Variants in COL28A1 observed in about 807,000 individuals in gnomAD.
COL28A1 encodes collagen alpha-1(XXVIII) chain.
Under a neutral mutation model 150.2 loss-of-function variants are expected in COL28A1, and 161 were observed. The observed-to-expected ratio is 1.07, with a 90% CI of 0.94 to 1.22. The LOEUF (loss-of-function observed/expected upper bound fraction) is 1.22, where lower values mean the gene tolerates loss of function less well. COL28A1 is among the 50% of genes most tolerant of loss of function. COL28A1 has a pLI of 0.00. For synonymous variants in COL28A1, 552 were observed against 469.7 expected (o/e 1.18, Z -2.26); for missense variants, 1,617 against 1,388.3 (o/e 1.16, Z -2.62).
chr7:7,494,799 A>C (rs1780114665), intron 11 of COL28A1, among the ~76,000 whole-genome samples: 1 of 152,246 alleles, frequency 6.6e-6, no homozygotes, highest in Admixed American at 6.5e-5. Flanking sequence ...CAGAATACAT[A>C]AGACTCTGAG....
intron 1 of COL28A1, among the ~76,000 whole-genome samples, chr7:7,534,988 T>G (rs1282998693): frequency 6.6e-6 from 1 of 152,158 alleles, no homozygotes; most frequent in Non-Finnish European, 1.5e-5. Context: ...GTTTATTAAT[T>G]TGGCATCTTG....
intron 33 of COL28A1, among the ~76,000 whole-genome samples, chr7:7,366,339 C>A (rs182926930): frequency 1.3e-5 from 2 of 152,110 alleles, no homozygotes; most frequent in East Asian, 3.9e-4. Flanking sequence ...ATAATAAAAT[C>A]GAAAAACTAC....
chr7:7,509,177 C>T (rs564461172), intron 9 of COL28A1, among the ~76,000 whole-genome samples: 1 of 151,874 alleles, frequency 6.6e-6, no homozygotes, highest in African/African-American at 2.4e-5. Flanking sequence ...GTTACCCAAA[C>T]TGGAGTAGAG....
At chr7:7,391,195 T>G (rs980922636) in intron 27 of COL28A1, among the ~76,000 whole-genome samples, 1 of 152,210 alleles carries the variant, frequency 6.6e-6, no homozygotes, top group African/African-American at 2.4e-5. Flanking sequence ...CTCCTTGGTT[T>G]CAAAGAACTT....
intron 12 of COL28A1, 92 bp downstream of exon 12, chr7:7,490,486 G>C (rs1017972893): frequency 5.7e-5 from 37 of 646,200 alleles, no homozygotes; most frequent in Non-Finnish European, 9.5e-5. Context: ...GTGTCTATTG[G>C]ATTTAGGCCA....
At chr7:7,374,038 A>AAATATAT in intron 31 of COL28A1, among the ~76,000 whole-genome samples, 9 of 113,624 alleles carry the variant, frequency 7.9e-5, no homozygotes, top group African/African-American at 3.0e-4. Context: ...AAAAAAAAAA[A>AAATATAT]ATATATATAT....
At chr7:7,378,620 G>C (rs1781696323) in intron 30 of COL28A1, among the ~76,000 whole-genome samples, 1 of 152,204 alleles carries the variant, frequency 6.6e-6, no homozygotes, top group South Asian at 2.1e-4. Flanking sequence ...AAGAGGGGGA[G>C]AGGAAAGAGG....
intron 13 of COL28A1, among the ~76,000 whole-genome samples, chr7:7,477,575 A>G (rs1179248328): frequency 6.6e-6 from 1 of 152,196 alleles, no homozygotes; most frequent in Non-Finnish European, 1.5e-5. Context: ...CAGCGCGTCC[A>G]GAGTTTGTTC....
chr7:7,381,638 T>C (rs1781880046), intron 27 of COL28A1, 26 bp from the exon 28 acceptor site: 3 of 1,568,740 alleles, frequency 1.9e-6, no homozygotes, highest in Non-Finnish European at 1.8e-6. Context: ...GAAAGAGATG[T>C]TCTATTAATT....
At chr7:7,339,897 C>T in the COL28A1 span, among the ~76,000 whole-genome samples, 1 of 152,122 alleles carries the variant, frequency 6.6e-6, no homozygotes, top group Non-Finnish European at 1.5e-5. Flanking sequence ...CTAGAAATAA[C>T]ATTTGTTTAT....
At chr7:7,361,289 C>T (rs202056415) in intron 33 of COL28A1, among the ~76,000 whole-genome samples, 2 of 64,960 alleles carry the variant, frequency 3.1e-5, no homozygotes, top group South Asian at 6.6e-4. Context: ...ACAAGAAAGG[C>T]ATTTTACTTT....
intron 27 of COL28A1, chr7:7,417,607 G>C (rs1784176486): frequency 2.4e-6 from 1 of 415,236 alleles, no homozygotes; most frequent in Admixed American, 5.0e-5. Flanking sequence ...TCACAAAGAG[G>C]GGAAAGCAAC....
intron 27 of COL28A1, among the ~76,000 whole-genome samples, chr7:7,388,126 T>A (rs954880021): frequency 2.6e-5 from 4 of 152,096 alleles, no homozygotes; most frequent in African/African-American, 9.7e-5. Context: ...ACCCATCATC[T>A]ACGTTAGACA....
In COL28A1 at chr7:7,373,495, T is replaced by C; in HGVS notation, c.2411A>G (p.Asp804Gly). 1.2e-6 allele frequency: 2 copies of C among 1,614,066 alleles called. No individual in the cohort carries two copies. Among genetic ancestry groups the C allele is most frequent in the South Asian group, 1.1e-5 (1 of 91,086 alleles). ...ETPLELVFVI[D>G]SSESVGPENF... is the part of the protein sequence containing the mutation. ...CTCTGGCCCCACGCTTTCTGAGCTGTCGATCACAAACACCAGCTCTAGTGG... is the reference window on the plus strand; with the variant it reads ...CTCTGGCCCCACGCTTTCTGAGCTGCCGATCACAAACACCAGCTCTAGTGG... The change falls in exon 32 of 35, where the codon GAC becomes GGC. Residue 804 changes from aspartate (D) to glycine (G), a missense_variant. Asp to Gly is a moderately conservative substitution (Grantham distance 94, BLOSUM62 -1). Coordinates refer to ENST00000399429, the MANE Select transcript of COL28A1 (RefSeq NM_001037763.3). The surrounding 1 kb of genome is among the most constrained non-coding windows in gnomAD (Gnocchi z 4.1).
chr7:7,346,036 G>T, the COL28A1 span, among the ~76,000 whole-genome samples: 1 of 151,918 alleles, frequency 6.6e-6, no homozygotes, highest in Non-Finnish European at 1.5e-5. Context: ...CATTTCATGT[G>T]ATCCTGAGCT....
intron 13 of COL28A1, among the ~76,000 whole-genome samples, chr7:7,488,806 TC>T (rs1246703379): frequency 6.6e-6 from 1 of 152,180 alleles, no homozygotes; most frequent in Non-Finnish European, 1.5e-5. Flanking sequence ...TGAGTCCAGA[TC>T]TTCCTAGAAA....
intron 15 of COL28A1, among the ~76,000 whole-genome samples, chr7:7,465,146 C>T (rs1424837341): frequency 5.3e-5 from 8 of 150,948 alleles, no homozygotes; most frequent in South Asian, 2.1e-4. Context: ...CAGCTCCCAG[C>T]GTGAGCGACG....
chr7:7,413,275 G>T (rs1037570165), intron 27 of COL28A1, among the ~76,000 whole-genome samples: 1 of 151,804 alleles, frequency 6.6e-6, no homozygotes, highest in African/African-American at 2.4e-5. Context: ...GGAATTCTCA[G>T]CCAGGAAGTT....
chr7:7,379,649 T>C (rs1397101059), intron 30 of COL28A1, among the ~76,000 whole-genome samples: 1 of 152,054 alleles, frequency 6.6e-6, no homozygotes, highest in South Asian at 2.1e-4. Flanking sequence ...CCAATAAAGG[T>C]TGGTGAAATG....
Sources: allele counts gnomAD v4.1 joint callset (sites outside exome capture counted in the v4.1 genomes callset), GRCh38; gene constraint gnomAD v4.1.1; non-coding constraint Gnocchi (gnomAD v3.1); transcripts MANE v1.5; gene names NCBI Gene and HGNC (gene_info 2026-07-23, HGNC 2026-07-21).